REEP1: variants seen among roughly 807,000 people sequenced by gnomAD.
REEP1 encodes the protein receptor accessory protein 1.
In REEP1, 22 loss-of-function variants were observed where a neutral mutation model predicts 40.3. That is an observed-to-expected ratio of 0.55 (90% CI 0.39 to 0.78). The LOEUF (loss-of-function observed/expected upper bound fraction) is 0.78. Among genes scored for constraint, REEP1 ranks in the 30% least tolerant of loss-of-function variants. The pLI is 0.00. For synonymous variants in REEP1, 116 were observed against 139.2 expected, an observed-to-expected ratio of 0.83 and a Z score of 1.17; for missense variants, 280 against 361.1, an observed-to-expected ratio of 0.78 and a Z score of 1.82.
chr2:86,301,410 T>C (rs1679251949), intron 1 of REEP1, among the ~76,000 whole-genome samples: 1 of 152,246 alleles, frequency 6.6e-6, no homozygotes, highest in Admixed American at 6.5e-5. Context: ...ATCTCATTTC[T>C]ACCACGTATT....
At chr2:86,319,454 ACT>A (rs1680182574) in intron 1 of REEP1, among the ~76,000 whole-genome samples, 2 of 25,834 alleles carry the variant, frequency 7.7e-5, no homozygotes, top group East Asian at 2.2e-3. Flanking sequence ...AGAGTGGCTC[ACT>A]CACGCCTGTA....
At chr2:86,309,006 CCA>C (rs768399471) in intron 1 of REEP1, among the ~76,000 whole-genome samples, 4 of 152,300 alleles carry the variant, frequency 2.6e-5, no homozygotes, top group Non-Finnish European at 5.9e-5. Flanking sequence ...GACCCACCTC[CCA>C]CACTGTCATG....
chr2:86,308,015 A>G (rs900112298), intron 1 of REEP1, among the ~76,000 whole-genome samples: 9 of 152,214 alleles, frequency 5.9e-5, no homozygotes, highest in Non-Finnish European at 1.2e-4. Context: ...TAAAATAAAT[A>G]TAGAAACTAA....
intron 1 of REEP1, among the ~76,000 whole-genome samples, chr2:86,334,476 A>G (rs1281811544): frequency 6.6e-6 from 1 of 152,154 alleles, no homozygotes; most frequent in African/African-American, 2.4e-5. Context: ...TGGGGAGTGA[A>G]GGTGGAAAAA....
intron 5 of REEP1, among the ~76,000 whole-genome samples, chr2:86,250,612 C>T (rs907815369): frequency 6.7e-6 from 1 of 150,242 alleles, no homozygotes; most frequent in Admixed American, 6.6e-5. Context: ...GGGGCAGAGA[C>T]CCCCTGGACC....
chr2:86,290,384 C>T (rs922462484), intron 1 of REEP1, among the ~76,000 whole-genome samples: 1 of 152,182 alleles, frequency 6.6e-6, no homozygotes, highest in South Asian at 2.1e-4. Context: ...TATAAGTTTG[C>T]CCAAACTCAG....
At chr2:86,243,207 G>GA (rs1675762011) in intron 5 of REEP1, among the ~76,000 whole-genome samples, 1 of 152,138 alleles carries the variant, frequency 6.6e-6, no homozygotes, top group East Asian at 1.9e-4. Flanking sequence ...GAGGCGTGAG[G>GA]AAAGGAGGGA....
chr2:86,271,581 A>G (rs1677454225), intron 2 of REEP1, among the ~76,000 whole-genome samples: 2 of 152,362 alleles, frequency 1.3e-5, no homozygotes, highest in Middle Eastern at 3.4e-3. Context: ...TGGTGAATCC[A>G]TGTTGTCTTT....
chr2:86,294,255 T>C (rs1166719466), intron 1 of REEP1, among the ~76,000 whole-genome samples: 2 of 152,254 alleles, frequency 1.3e-5, no homozygotes, highest in Non-Finnish European at 2.9e-5. Flanking sequence ...CACTACTGAC[T>C]GTACATTTAA....
At chr2:86,333,665 G>T in intron 1 of REEP1, among the ~76,000 whole-genome samples, 1 of 152,154 alleles carries the variant, frequency 6.6e-6, no homozygotes, top group South Asian at 2.1e-4. Flanking sequence ...ATTCTTCCAA[G>T]AAGTCACAGA....
chr2:86,241,347 C>T (rs1333496814), intron 5 of REEP1, among the ~76,000 whole-genome samples: 1 of 152,234 alleles, frequency 6.6e-6, no homozygotes, highest in African/African-American at 2.4e-5. Flanking sequence ...CCCACGCTAT[C>T]GCACGTGATC....
At chr2:86,286,335 C>T (rs1160504532) in intron 1 of REEP1, among the ~76,000 whole-genome samples, 1 of 152,148 alleles carries the variant, frequency 6.6e-6, no homozygotes, top group African/African-American at 2.4e-5. Flanking sequence ...CTACTGGCAG[C>T]CAGTGAGTAG....
At chr2:86,235,878 AAAC>A (rs1355146681) in intron 5 of REEP1, among the ~76,000 whole-genome samples, 1 of 152,182 alleles carries the variant, frequency 6.6e-6, no homozygotes, top group Non-Finnish European at 1.5e-5. Context: ...AGACTCCTGA[AAAC>A]AAATTAGCCC....
intron 1 of REEP1, among the ~76,000 whole-genome samples, chr2:86,296,184 A>T (rs1678974239): frequency 6.6e-6 from 1 of 152,228 alleles, no homozygotes; most frequent in Admixed American, 6.5e-5. Context: ...TGGGGAAAAA[A>T]AGTTACCAGT....
At chr2:86,337,959 A>G, upstream of REEP1, 1 of 1,424,652 alleles carries the variant, frequency 7.0e-7, no homozygotes, top group Non-Finnish European at 9.6e-7. The surrounding 1 kb of genome is among the most constrained non-coding windows in gnomAD (Gnocchi z 5.8). Flanking sequence ...ATCTGTCTGC[A>G]CCTGTCTAGG....
At chr2:86,322,257 A>G (rs955570675) in intron 1 of REEP1, among the ~76,000 whole-genome samples, 2 of 152,178 alleles carry the variant, frequency 1.3e-5, no homozygotes, top group African/African-American at 2.4e-5. Flanking sequence ...AAGAACATCA[A>G]TATCAGCCAG....
chr2:86,312,022 A>G (rs1479683350), intron 1 of REEP1, among the ~76,000 whole-genome samples: 2 of 152,190 alleles, frequency 1.3e-5, no homozygotes, highest in East Asian at 1.9e-4. Context: ...TGATTTGCCA[A>G]TGCAGCCCTC....
intron 5 of REEP1, among the ~76,000 whole-genome samples, chr2:86,238,686 A>C (rs1675494678): frequency 6.6e-6 from 1 of 152,176 alleles, no homozygotes; most frequent in South Asian, 2.1e-4. Flanking sequence ...GAAGTGTCAG[A>C]GGGCTGTGGG....
At chr2:86,307,367 T>TA (rs1316919584) in intron 1 of REEP1, among the ~76,000 whole-genome samples, 1 of 152,178 alleles carries the variant, frequency 6.6e-6, no homozygotes, top group Admixed American at 6.6e-5. Context: ...GCATGGCTCT[T>TA]ACATTTCCTT....
Sources: gnomAD v4.1 joint callset for allele counts (sites outside exome capture counted in the v4.1 genomes callset) on GRCh38, gnomAD v4.1.1 for gene constraint, Gnocchi (gnomAD v3.1) non-coding constraint, MANE v1.5 for transcripts, NCBI Gene and HGNC (gene_info 2026-07-23, HGNC 2026-07-21) for gene names.